Variants in MAPRE3 observed in about 807,000 individuals in gnomAD.
The protein encoded by MAPRE3 is microtubule associated protein RP/EB family member 3.
A neutral mutation model predicts 30.5 loss-of-function variants in MAPRE3; 2 were observed. The ratio of observed to expected loss-of-function variants is 0.07; its 90% confidence interval spans 0.03 to 0.21. MAPRE3 has a LOEUF of 0.21. Ranked by LOEUF, MAPRE3 falls within the 10% of genes least tolerant of loss-of-function variation. MAPRE3 has a pLI of 1.00. For synonymous variants in MAPRE3, 110 were observed against 127.7 expected (o/e 0.86, Z 0.93); for missense variants, 204 against 351.8 (o/e 0.58, Z 3.36).
intron 1 of MAPRE3, among the ~76,000 whole-genome samples, chr2:26,999,460 C>T (rs1572755856): frequency 2.7e-5 from 4 of 146,540 alleles, no homozygotes. Context: ...CAACTACATG[C>T]ACTTTTTTCT....
intron 3 of MAPRE3, 108 bp from the exon 4 acceptor site, chr2:27,023,988 C>T (rs992466975): frequency 3.5e-5 from 28 of 802,500 alleles, no homozygotes; most frequent in Admixed American, 9.0e-5. Flanking sequence ...AGGTGGAGGA[C>T]GCTGCAGCCC....
At chr2:27,016,395 T>G (rs1666986147) in intron 1 of MAPRE3, among the ~76,000 whole-genome samples, 1 of 151,060 alleles carries the variant, frequency 6.6e-6, no homozygotes, top group African/African-American at 2.4e-5. Context: ...TTTTTTTTTT[T>G]TTTTTTTAAG....
chr2:26,973,795 T>A (rs1390371468), intron 1 of MAPRE3, among the ~76,000 whole-genome samples: 2 of 152,156 alleles, frequency 1.3e-5, no homozygotes, highest in African/African-American at 4.8e-5. Flanking sequence ...GACCTCATGA[T>A]CCACCCGCCT....
chr2:27,023,299 C>T (rs1667151129), intron 2 of MAPRE3, 33 bp from the exon 3 acceptor site: 1 of 1,578,812 alleles, frequency 6.3e-7, no homozygotes, highest in Non-Finnish European at 8.6e-7. Flanking sequence ...AGGAGAGCAG[C>T]AAGACCCCTC....
intron 1 of MAPRE3, among the ~76,000 whole-genome samples, chr2:26,983,019 C>T (rs1297391968): frequency 2.0e-5 from 3 of 152,108 alleles, no homozygotes; most frequent in Non-Finnish European, 2.9e-5. Flanking sequence ...ATTAGGAAGG[C>T]CCAACCCAGC....
intron 1 of MAPRE3, among the ~76,000 whole-genome samples, chr2:26,988,861 T>C (rs1438301388): frequency 1.3e-5 from 2 of 152,190 alleles, no homozygotes; most frequent in Non-Finnish European, 2.9e-5. Context: ...TTGAGGTATG[T>C]GGAGTTGATC....
chr2:26,977,718 C>T (rs1040480990), intron 1 of MAPRE3, among the ~76,000 whole-genome samples: 1 of 152,220 alleles, frequency 6.6e-6, no homozygotes, highest in African/African-American at 2.4e-5. Context: ...CTGTGCCACA[C>T]CAGGTCCATG....
Position 27,026,628 on chromosome 2 carries a change from G to A in MAPRE3, c.*280G>A. On this transcript the variant is annotated 3_prime_UTR_variant, in exon 7 of 7. Transcript: ENST00000233121. ...GTCGCCCAACACTTCCCAGGGTGCT[G>A]CTGCCACCCGCCCCAGCCAGCCACC... is the stretch of plus-strand genomic sequence containing the variant. The A allele has an allele frequency of 3.2e-5, 12 of 378,384 alleles. No homozygotes were observed. Among genetic ancestry groups the A allele is most frequent in the Admixed American group, 4.6e-5 (1 of 21,632 alleles). 23.4% of individuals were successfully genotyped at this position (378,384 alleles called of 1,614,324 possible).
chr2:27,005,946 G>T (rs1444455197), intron 1 of MAPRE3, among the ~76,000 whole-genome samples: 1 of 152,198 alleles, frequency 6.6e-6, no homozygotes, highest in Non-Finnish European at 1.5e-5. Flanking sequence ...ACTTTGGGAG[G>T]CCGAGGTGGG....
chr2:27,009,184 A>G (rs931728755), intron 1 of MAPRE3, among the ~76,000 whole-genome samples: 2 of 152,212 alleles, frequency 1.3e-5, no homozygotes, highest in Non-Finnish European at 2.9e-5. Flanking sequence ...ATGCCAAAAA[A>G]AAGAGTGCAT....
Position 27,025,972 on chromosome 2 carries a change from G to T in MAPRE3, c.717G>T (p.Glu239Asp), listed in dbSNP as rs747380208. The T allele has an allele frequency of 3.1e-6, 5 of 1,614,218 alleles. No individual in the cohort carries two copies. Among genetic ancestry groups the T allele is most frequent in the South Asian group, 2.2e-5 (2 of 91,092 alleles). Residue 239 changes from glutamate (E) to aspartate (D), a missense_variant, in exon 6 of 7, where the codon GAG becomes GAT. Around this residue, in one of 5 missense-constraint regions of MAPRE3, gnomAD observed 42 missense variants for 81.2 expected, o/e 0.52. Coordinates refer to ENST00000233121, the MANE Select transcript of MAPRE3 (RefSeq NM_012326.4). ...KLRDIELICQ[E>D]HESENSPVIS... is the part of the protein sequence containing the mutation. ...GTGACATCGAGCTCATCTGCCAGGAGCATGAAAGTGAAAACAGCCCTGTTA... is the reference window on the plus strand; with the variant it reads ...GTGACATCGAGCTCATCTGCCAGGATCATGAAAGTGAAAACAGCCCTGTTA...
intron 1 of MAPRE3, among the ~76,000 whole-genome samples, chr2:26,990,849 T>C (rs1666321914): frequency 6.6e-6 from 1 of 152,254 alleles, no homozygotes; most frequent in African/African-American, 2.4e-5. Context: ...TGTGTCTTCC[T>C]GCACTGTTCA....
chr2:27,021,658 C>T (rs996699700), intron 1 of MAPRE3, among the ~76,000 whole-genome samples: 2 of 152,178 alleles, frequency 1.3e-5, no homozygotes, highest in Admixed American at 6.5e-5. Flanking sequence ...GGCAACCTGT[C>T]CCTGCCAACC....
At position 27,024,162 on chromosome 2, in the gene MAPRE3, A is replaced by C; in HGVS notation, c.334A>C (p.Lys112Gln). 8 of 1,614,198 alleles carry C rather than the reference A, an allele frequency of 5.0e-6. No homozygotes were observed. Among genetic ancestry groups the C allele is most frequent in the Non-Finnish European group, 6.8e-6 (8 of 1,179,990 alleles). ...TAATTTTGAGTTTATTCAGTGGTTTAAGAAATTCTTTGACGCAAACTATGA... is the reference window on the plus strand; with the variant it reads ...TAATTTTGAGTTTATTCAGTGGTTTCAGAAATTCTTTGACGCAAACTATGA... The part of the protein sequence containing the change: ...QDNFEFIQWF[K>Q]KFFDANYDGK... Residue 112 changes from lysine to glutamine, a missense_variant, in exon 4 of 7, where the codon AAG (lysine) becomes CAG (glutamine). Transcript: ENST00000233121.
intron 1 of MAPRE3, among the ~76,000 whole-genome samples, chr2:27,017,616 A>G (rs570060522): frequency 5.3e-5 from 8 of 152,076 alleles, no homozygotes; most frequent in Non-Finnish European, 7.4e-5. Context: ...GAAACTGGAG[A>G]TTTTCCCTGT....
intron 1 of MAPRE3, among the ~76,000 whole-genome samples, chr2:26,996,115 AATTTTATTTTATTTTATTTT>A (rs60224906): frequency 1.3e-4 from 17 of 130,718 alleles, no homozygotes; most frequent in Admixed American, 6.3e-4. Context: ...AGAAGATAGG[AATTTTATTTTATTTTATTTT>A]ATTTTATTTT....
chr2:27,011,279 C>T (rs910813227), intron 1 of MAPRE3, among the ~76,000 whole-genome samples: 1 of 152,216 alleles, frequency 6.6e-6, no homozygotes, highest in African/African-American at 2.4e-5. Flanking sequence ...TGCCACCTTC[C>T]TCCAGAAACC....
chr2:27,010,439 C>CTTTTTTTTT (rs71401549), intron 1 of MAPRE3, among the ~76,000 whole-genome samples: 1 of 115,504 alleles, frequency 8.7e-6, no homozygotes, highest in Admixed American at 9.5e-5. Context: ...ATCTGTATTT[C>CTTTTTTTTT]TTTTTTTTTT....
rs554799211 is a variant in MAPRE3 at position 26,988,176 on chromosome 2, G to A, written c.-8+17374G>A. On this transcript the variant is annotated intron_variant, in intron 1 of 6. Transcript: ENST00000233121. ...CCACTGTGAGCAGCCACAGCAAAGT[G>A]ATACCATTGTCTTCATGGGACCAGC... Among the ~76,000 whole-genome samples, 6 of 152,314 alleles carry A rather than the reference G, an allele frequency of 3.9e-5. No homozygotes were observed. In the East Asian group the frequency reaches 1.2e-3, roughly 29 times the overall value.
Sources: gnomAD v4.1 joint callset for allele counts (sites outside exome capture counted in the v4.1 genomes callset) on GRCh38, gnomAD v4.1.1 for gene constraint, gnomAD v4.1.1 regional missense constraint, MANE v1.5 for transcripts, NCBI Gene and HGNC (gene_info 2026-07-23, HGNC 2026-07-21) for gene names.